Variants in KIRREL3 observed in about 807,000 individuals in gnomAD.
The protein encoded by KIRREL3 is kin of IRRE-like protein 3.
In KIRREL3, 36 loss-of-function variants were observed where a neutral mutation model predicts 89.7. The observed-to-expected ratio is 0.40, with a 90% CI of 0.31 to 0.53. The LOEUF (loss-of-function observed/expected upper bound fraction) is 0.53, where lower values mean the gene tolerates loss of function less well. Among genes scored for constraint, KIRREL3 ranks in the 20% least tolerant of loss-of-function variants. KIRREL3 has a pLI of 0.49. For missense variants in KIRREL3, 864 were observed against 1,056.6 expected (o/e 0.82, Z 2.53); for synonymous variants, 445 against 441.4 (o/e 1.01, Z -0.10).
intron 1 of KIRREL3, among the ~76,000 whole-genome samples, chr11:126,832,840 T>C (rs1385727795): frequency 6.6e-6 from 1 of 152,206 alleles, no homozygotes; most frequent in Admixed American, 6.5e-5. Flanking sequence ...CTAACAGTGT[T>C]TGTTTCGTGT....
At chr11:126,494,432 G>A (rs867715711) in intron 4 of KIRREL3, among the ~76,000 whole-genome samples, 20 of 152,270 alleles carry the variant, frequency 1.3e-4, no homozygotes, top group South Asian at 6.2e-4. Context: ...TGAGGTGCAC[G>A]TTTTCCCTCT....
chr11:126,514,710 A>C (rs1958345718), intron 4 of KIRREL3, among the ~76,000 whole-genome samples: 1 of 152,212 alleles, frequency 6.6e-6, no homozygotes, highest in African/African-American at 2.4e-5. Flanking sequence ...CAGAGTGGTT[A>C]AATAACTTGC....
Position 126,528,523 on chromosome 11 carries a change from G to T in KIRREL3, c.134-1836C>A, listed in dbSNP as rs188525356. The stretch of plus-strand genomic sequence containing the variant: ...ACAAGATCTTGGCAGGGTCTCCGAG[G>T]AGTCTCATTAAAAATCAAATTGGCC... On this transcript the variant is annotated intron_variant, in intron 2 of 16. Coordinates refer to ENST00000525144, the MANE Select transcript of KIRREL3 (RefSeq NM_032531.4). This position sits in a 1 kb window ranked among gnomAD's most constrained non-coding sequence, Gnocchi z 4.6. Among the ~76,000 whole-genome samples the T allele has an allele frequency of 6.6e-6, 1 of 152,210 alleles. No homozygotes were observed. Among genetic ancestry groups the T allele is most frequent in the Non-Finnish European group, 1.5e-5 (1 of 68,038 alleles).
intron 1 of KIRREL3, among the ~76,000 whole-genome samples, chr11:126,947,237 T>C (rs1019162761): frequency 6.6e-6 from 1 of 152,202 alleles, no homozygotes; most frequent in African/African-American, 2.4e-5. Context: ...CATTTTCAAT[T>C]GCCACCTGAA....
At chr11:126,543,766 C>T (rs1565538178) in intron 2 of KIRREL3, among the ~76,000 whole-genome samples, 2 of 152,218 alleles carry the variant, frequency 1.3e-5, no homozygotes, top group South Asian at 4.1e-4. Context: ...AAGTCGTTGG[C>T]ACCACTTTTA....
intron 1 of KIRREL3, among the ~76,000 whole-genome samples, chr11:126,925,877 C>T (rs1362645615): frequency 2.0e-5 from 3 of 152,230 alleles, no homozygotes; most frequent in African/African-American, 4.8e-5. Flanking sequence ...CTATCTGTGA[C>T]AGTCAGAGAA....
Position 126,965,060 on chromosome 11 carries a change from T to G in KIRREL3, c.55+35395A>C, listed in dbSNP as rs1286514891. On this transcript the variant is annotated intron_variant, in intron 1 of 16. Transcript: ENST00000525144. This position sits in a 1 kb window ranked among gnomAD's most constrained non-coding sequence, Gnocchi z 4.4. ...TACTCCCAACTCAACAGATGGGATA[T>G]TAGAGCCAAGAAAAAGTTAAGTAAT... Among the ~76,000 whole-genome samples the G allele has an allele frequency of 1.3e-5, 2 of 152,160 alleles. No individual in the cohort carries two copies. Among genetic ancestry groups the G allele is most frequent in the Non-Finnish European group, 2.9e-5 (2 of 68,014 alleles).
In KIRREL3 at chr11:126,922,113, A is replaced by G. The variant is rs12790687; in HGVS notation, c.55+78342T>C. Among the ~76,000 whole-genome samples the G allele has an allele frequency of 1.7e-3, 236 of 141,586 alleles. 1 individual carries two copies. Among genetic ancestry groups the G allele is most frequent in the East Asian group, 5.8e-3 (26 of 4,518 alleles). 92.9% of individuals were successfully genotyped at this position (141,586 alleles called of 152,430 possible). ...TCTATATCTATCTATCGATCTATCT[A>G]TCTGTCTGTCTATCTATCTATCTAT... On this transcript the variant is annotated intron_variant, in intron 1 of 16. Coordinates refer to ENST00000525144, the MANE Select transcript of KIRREL3 (RefSeq NM_032531.4).
At chr11:126,859,841 C>A (rs1057410584) in intron 1 of KIRREL3, among the ~76,000 whole-genome samples, 4 of 152,172 alleles carry the variant, frequency 2.6e-5, no homozygotes, top group Non-Finnish European at 5.9e-5. Flanking sequence ...ATAGCACCAA[C>A]CTTAACCTGA....
At position 126,969,529 on chromosome 11, in the gene KIRREL3, G is replaced by T. The variant is rs1289365244; in HGVS notation, c.55+30926C>A. On this transcript the variant is annotated intron_variant, in intron 1 of 16. Coordinates refer to ENST00000525144, the MANE Select transcript of KIRREL3 (RefSeq NM_032531.4). The surrounding 1 kb of genome is among the most constrained non-coding windows in gnomAD (Gnocchi z 4.9). Reference sequence around the variant, plus strand: ...ACGTCTCCTGAGGGCGGAGGCTGTGGGTAGCAATGGAGCATGGTGTGTTCA... The same window carrying T: ...ACGTCTCCTGAGGGCGGAGGCTGTGTGTAGCAATGGAGCATGGTGTGTTCA... 6.6e-6 allele frequency among the ~76,000 whole-genome samples: 1 copy of T among 152,146 alleles called. No individual in the cohort carries two copies.
intron 1 of KIRREL3, among the ~76,000 whole-genome samples, chr11:126,956,976 T>C (rs1005689714): frequency 6.6e-6 from 1 of 152,196 alleles, no homozygotes; most frequent in Non-Finnish European, 1.5e-5. Context: ...GTTGTGTTCT[T>C]AATCTGCTTC....
rs966962389 is a variant in KIRREL3, at chr11:126,608,231, G to A, written c.56-45319C>T. On this transcript the variant is annotated intron_variant, in intron 1 of 16. Transcript: ENST00000525144. The surrounding 1 kb of genome is among the most constrained non-coding windows in gnomAD (Gnocchi z 4.9). ...AAAGCAGGAGGCAGCTGAAGGGGGCGGTCTCAGAAGCCCCCGCTGGGAGCC... is the reference window on the plus strand; with the variant it reads ...AAAGCAGGAGGCAGCTGAAGGGGGCAGTCTCAGAAGCCCCCGCTGGGAGCC... Among the ~76,000 whole-genome samples, 5 of 152,276 alleles carry A rather than the reference G, an allele frequency of 3.3e-5. No individual in the cohort carries two copies. The highest frequency in any genetic ancestry group is 3.9e-4 in the East Asian group (2 of 5,164).
chr11:126,536,417 C>T (rs570621104), intron 2 of KIRREL3, among the ~76,000 whole-genome samples: 1 of 152,254 alleles, frequency 6.6e-6, no homozygotes, highest in South Asian at 2.1e-4. Context: ...TTCTGGAACT[C>T]CACTGTCCCA....
rs1441115848 is a variant in KIRREL3 at position 126,653,204 on chromosome 11, C to A, written c.56-90292G>T. On this transcript the variant is annotated intron_variant, in intron 1 of 16. Transcript: ENST00000525144. The surrounding 1 kb of genome is among the most constrained non-coding windows in gnomAD (Gnocchi z 5.4). ...GTGAGAGAGGCAGACAGTGCACTAT[C>A]TACAGAATCCAACGGAGGAGGCGGT... Among the ~76,000 whole-genome samples, 1 of 152,316 alleles carries A rather than the reference C, an allele frequency of 6.6e-6. No homozygotes were observed. Among genetic ancestry groups the A allele is most frequent in the East Asian group, 1.9e-4 (1 of 5,178 alleles).
chr11:126,720,324 C>T (rs547647058), intron 1 of KIRREL3, among the ~76,000 whole-genome samples: 3 of 152,290 alleles, frequency 2.0e-5, no homozygotes, highest in South Asian at 2.1e-4. Context: ...GCCTGTCCCA[C>T]CAGCCCTCAC....
Position 126,463,243 on chromosome 11 carries a change from A to G in KIRREL3, c.656T>C (p.Val219Ala). 2 of 1,613,880 alleles carry G rather than the reference A, an allele frequency of 1.2e-6. No individual in the cohort carries two copies. Among genetic ancestry groups the G allele is most frequent in the South Asian group, 2.2e-5 (2 of 91,068 alleles). The change falls in exon 6 of 17, where the codon GTG becomes GCG. Residue 219 changes from valine (V) to alanine (A), a missense_variant. Coordinates refer to ENST00000525144, the MANE Select transcript of KIRREL3 (RefSeq NM_032531.4). The surrounding 1 kb of genome is among the most constrained non-coding windows in gnomAD (Gnocchi z 5.9). ...VSTLFISPGD[V>A]ENGQSIVCRA... ...ACACACGATGCTCTGGCCATTCTCC[A>G]CGTCACCAGGGGAGATGAAGAGGGT...
chr11:126,980,144 A>G (rs989826043), intron 1 of KIRREL3, among the ~76,000 whole-genome samples: 2 of 152,212 alleles, frequency 1.3e-5, no homozygotes, highest in Admixed American at 1.3e-4. Context: ...TGAAATATGA[A>G]GCGTATTTCA....
rs940598871 is a variant in KIRREL3, at chr11:126,795,741, C to T, written c.55+204714G>A. Among the ~76,000 whole-genome samples, 6 of 152,052 alleles carry T rather than the reference C, an allele frequency of 3.9e-5. No homozygotes were observed. Among genetic ancestry groups the T allele is most frequent in the Non-Finnish European group, 5.9e-5 (4 of 68,020 alleles). On this transcript the variant is annotated intron_variant, in intron 1 of 16. Coordinates refer to ENST00000525144, the MANE Select transcript of KIRREL3 (RefSeq NM_032531.4). This position sits in a 1 kb window ranked among gnomAD's most constrained non-coding sequence, Gnocchi z 4.1. Reference sequence around the variant, plus strand: ...TCAATATTTCTGTAAACCTAAAAATCCTCAAAAAAATGAAGTTTTTTAATT... The same window carrying T: ...TCAATATTTCTGTAAACCTAAAAATTCTCAAAAAAATGAAGTTTTTTAATT...
At chr11:126,588,203 G>C (rs1941962654) in intron 1 of KIRREL3, among the ~76,000 whole-genome samples, 1 of 152,226 alleles carries the variant, frequency 6.6e-6, no homozygotes, top group African/African-American at 2.4e-5. Context: ...CAAGAGCTCA[G>C]ATGGGGAGTC....
Sources: allele counts gnomAD v4.1 joint callset (sites outside exome capture counted in the v4.1 genomes callset), GRCh38; gene constraint gnomAD v4.1.1; non-coding constraint Gnocchi (gnomAD v3.1); transcripts MANE v1.5; gene names NCBI Gene and HGNC (gene_info 2026-07-23, HGNC 2026-07-21).